Variants in SH3BGRL observed in about 807,000 individuals in gnomAD.
The protein encoded by SH3BGRL is SH3 domain binding glutamate rich protein like, also known as adapter SH3BGRL.
A neutral mutation model predicts 9.8 loss-of-function variants in SH3BGRL; 7 were observed. That is an observed-to-expected ratio of 0.72 (90% CI 0.41 to 1.35). The LOEUF (loss-of-function observed/expected upper bound fraction) is 1.35, where lower values mean the gene tolerates loss of function less well. SH3BGRL is among the 40% of genes most tolerant of loss of function. The pLI, the probability that SH3BGRL is intolerant of heterozygous loss-of-function variation, is 0.01. For synonymous variants in SH3BGRL, 36 were observed against 29.1 expected (o/e 1.24, Z -0.76); for missense variants, 73 against 84.4 (o/e 0.86, Z 0.53).
intron 1 of SH3BGRL, among the ~76,000 whole-genome samples, chrX:81,262,831 G>T (rs756233318): frequency 8.9e-6 from 1 of 111,948 alleles, no homozygotes; most frequent in South Asian, 3.7e-4. Flanking sequence ...AAAACATTTT[G>T]GTGGTGCTGA....
chrX:81,225,374 A>G (rs1181323012), intron 1 of SH3BGRL, among the ~76,000 whole-genome samples: 1 of 110,863 alleles, frequency 9.0e-6, no homozygotes, highest in Non-Finnish European at 1.9e-5. Flanking sequence ...TGTACTTTGT[A>G]CCCAATAGAT....
chrX:81,226,534 C>A (rs948829050), intron 1 of SH3BGRL, among the ~76,000 whole-genome samples: 3 of 101,593 alleles, frequency 3.0e-5, no homozygotes, highest in East Asian at 3.0e-4. Flanking sequence ...ATATCTCTCT[C>A]TCTATATATA....
chrX:81,233,032 C>CA (rs1441817626), intron 1 of SH3BGRL, among the ~76,000 whole-genome samples: 10 of 111,288 alleles, frequency 9.0e-5, no homozygotes, highest in Non-Finnish European at 1.5e-4. Context: ...GGATATCATA[C>CA]AACTATATGA....
intron 1 of SH3BGRL, among the ~76,000 whole-genome samples, chrX:81,236,659 G>A: frequency 8.9e-6 from 1 of 111,799 alleles, no homozygotes; most frequent in Non-Finnish European, 1.9e-5. Flanking sequence ...ATATGTAGTT[G>A]AAGACTTGAG....
At chrX:81,275,381 G>A (rs2075795609) in intron 1 of SH3BGRL, among the ~76,000 whole-genome samples, 1 of 111,301 alleles carries the variant, frequency 9.0e-6, no homozygotes, top group Non-Finnish European at 1.9e-5. Flanking sequence ...TTACAGATGA[G>A]AGCCACCGTG....
At chrX:81,202,466 G>A (rs942212058) in intron 1 of SH3BGRL, 3 of 991,168 alleles carry the variant, frequency 3.0e-6, no homozygotes, top group African/African-American at 2.1e-5. Flanking sequence ...CGTGACGTTG[G>A]GGGGCACATT....
intron 3 of SH3BGRL, among the ~76,000 whole-genome samples, chrX:81,285,086 T>G (rs1485431966): frequency 9.0e-6 from 1 of 111,139 alleles, no homozygotes; most frequent in East Asian, 2.8e-4. Context: ...AATAGGTTTT[T>G]CCAAGACTAG....
intron 1 of SH3BGRL, among the ~76,000 whole-genome samples, chrX:81,207,789 A>G (rs1311750776): frequency 1.8e-5 from 2 of 111,773 alleles, no homozygotes; most frequent in Non-Finnish European, 3.8e-5. Context: ...AGTGCTTTCA[A>G]ATTGATGCTT....
At chrX:81,274,869 G>T (rs768301209) in intron 1 of SH3BGRL, among the ~76,000 whole-genome samples, 2 of 111,484 alleles carry the variant, frequency 1.8e-5, no homozygotes, top group South Asian at 7.5e-4. Context: ...ATTTGACATG[G>T]CAGAACCTAT....
chrX:81,243,222 T>C (rs2075676832), intron 1 of SH3BGRL, among the ~76,000 whole-genome samples: 1 of 112,398 alleles, frequency 8.9e-6, no homozygotes, highest in Non-Finnish European at 1.9e-5. Context: ...AATGAGATCC[T>C]GTCATTTGCA....
intron 1 of SH3BGRL, among the ~76,000 whole-genome samples, chrX:81,246,574 A>G (rs1203213574): frequency 9.0e-6 from 1 of 111,540 alleles, no homozygotes; most frequent in Non-Finnish European, 1.9e-5. Flanking sequence ...GTTCTTTCCA[A>G]TTGTTTATTT....
In SH3BGRL at chrX:81,258,786, C is replaced by T. The variant is rs540245607; in HGVS notation, c.46-18198C>T. ...GTCACAGTGTAGGACAGTGCCTTTC[C>T]TACAATAGATCAGAGGCTATTCTCA... is the stretch of plus-strand genomic sequence containing the variant. On this transcript the variant is annotated intron_variant, in intron 1 of 3. Transcript: ENST00000373212. Among the ~76,000 whole-genome samples the T allele has an allele frequency of 5.1e-4, 57 of 112,005 alleles. 2 individuals are homozygous for T. In the South Asian group the frequency reaches 0.017, roughly 33 times the overall value.
intron 1 of SH3BGRL, among the ~76,000 whole-genome samples, chrX:81,213,094 A>G (rs953434659): frequency 1.8e-5 from 2 of 112,490 alleles, no homozygotes; most frequent in Admixed American, 1.9e-4. Context: ...AAAAGGAGCT[A>G]TTAGCACAAA....
At chrX:81,288,605 C>A (rs1219662785) in intron 3 of SH3BGRL, among the ~76,000 whole-genome samples, 1 of 112,086 alleles carries the variant, frequency 8.9e-6, no homozygotes, top group Non-Finnish European at 1.9e-5. Context: ...GATGCAAAAT[C>A]AACATACAAA....
At chrX:81,244,418 A>G (rs1176187730) in intron 1 of SH3BGRL, among the ~76,000 whole-genome samples, 1 of 111,625 alleles carries the variant, frequency 9.0e-6, no homozygotes, top group Non-Finnish European at 1.9e-5. Context: ...TATTTTATGA[A>G]CTTTAGGTTA....
At chrX:81,284,659 G>A (rs2075828765) in intron 3 of SH3BGRL, among the ~76,000 whole-genome samples, 1 of 110,967 alleles carries the variant, frequency 9.0e-6, no homozygotes, top group South Asian at 3.7e-4. Flanking sequence ...GGGAAGGTTA[G>A]GGAAAGTCAG....
intron 1 of SH3BGRL, among the ~76,000 whole-genome samples, chrX:81,243,860 G>A: frequency 9.0e-6 from 1 of 111,272 alleles, no homozygotes; most frequent in South Asian, 3.8e-4. Flanking sequence ...GAGGCCTTGA[G>A]GATTTAAGTG....
intron 1 of SH3BGRL, among the ~76,000 whole-genome samples, chrX:81,208,481 A>G (rs768815448): frequency 1.2e-4 from 14 of 112,148 alleles, no homozygotes; most frequent in Non-Finnish European, 1.9e-4. Flanking sequence ...CAATTAACCA[A>G]GTATCATTTA....
intron 1 of SH3BGRL, among the ~76,000 whole-genome samples, chrX:81,205,494 G>T (rs1377282295): frequency 1.1e-5 from 1 of 87,848 alleles, no homozygotes; most frequent in East Asian, 4.7e-4. Flanking sequence ...ATATGTGTGT[G>T]TGTGTGTGTG....
Sources: allele counts gnomAD v4.1 joint callset (sites outside exome capture counted in the v4.1 genomes callset), GRCh38; gene constraint gnomAD v4.1.1; transcripts MANE v1.5; gene names NCBI Gene and HGNC (gene_info 2026-07-23, HGNC 2026-07-21).